The following TAFA1 variants were observed in gnomAD, a reference collection of about 807,000 sequenced individuals.
TAFA1 encodes chemokine-like protein TAFA-1.
A neutral mutation model predicts 18.5 loss-of-function variants in TAFA1; 4 were observed. That is an observed-to-expected ratio of 0.22 (90% CI 0.11 to 0.49). The LOEUF is 0.49. TAFA1 is among the 20% of genes least tolerant of loss of function. TAFA1 has a pLI of 0.98. For synonymous variants in TAFA1, 56 were observed against 55.2 expected, an observed-to-expected ratio of 1.01 and a Z score of -0.06; for missense variants, 147 against 169.0, an observed-to-expected ratio of 0.87 and a Z score of 0.72.
chr3:68,331,740 CA>C (rs1383961711), intron 2 of TAFA1, among the ~76,000 whole-genome samples: 1 of 151,336 alleles, frequency 6.6e-6, no homozygotes, highest in African/African-American at 2.4e-5. Context: ...AAAACAGATA[CA>C]CAGACCAATG....
chr3:68,076,562 G>GT (rs1371880506), intron 2 of TAFA1, among the ~76,000 whole-genome samples: 1 of 151,074 alleles, frequency 6.6e-6, no homozygotes, highest in Non-Finnish European at 1.5e-5. Flanking sequence ...GCGGTGTTTG[G>GT]TTTTTTGTTC....
intron 3 of TAFA1, among the ~76,000 whole-genome samples, chr3:68,463,980 T>A (rs571177837): frequency 1.3e-5 from 2 of 152,324 alleles, no homozygotes; most frequent in East Asian, 1.9e-4. Flanking sequence ...CTTTTTACAT[T>A]AATTTCAAAA....
chr3:68,421,772 A>G (rs2070959439), intron 3 of TAFA1, among the ~76,000 whole-genome samples: 1 of 152,108 alleles, frequency 6.6e-6, no homozygotes, highest in South Asian at 2.1e-4. Flanking sequence ...AGGCTCACTA[A>G]ATGATAATAT....
At chr3:68,384,860 G>GTA (rs1454250390) in intron 2 of TAFA1, among the ~76,000 whole-genome samples, 1 of 152,018 alleles carries the variant, frequency 6.6e-6, no homozygotes, top group Non-Finnish European at 1.5e-5. Context: ...TGCATTGAGT[G>GTA]TATATATATT....
chr3:68,225,884 A>AT (rs2066793316), intron 2 of TAFA1, among the ~76,000 whole-genome samples: 1 of 92,822 alleles, frequency 1.1e-5, no homozygotes, highest in Non-Finnish European at 2.5e-5. Flanking sequence ...TGCTGTAAGC[A>AT]TAAAAAAAAA....
chr3:68,414,305 A>T (rs1248019840), intron 2 of TAFA1, among the ~76,000 whole-genome samples: 1 of 152,124 alleles, frequency 6.6e-6, no homozygotes, highest in Non-Finnish European at 1.5e-5. Flanking sequence ...GAAACGCCAT[A>T]TCAAAACAAA....
At chr3:68,485,376 G>A (rs1054695885) in intron 3 of TAFA1, among the ~76,000 whole-genome samples, 1 of 152,130 alleles carries the variant, frequency 6.6e-6, no homozygotes, top group African/African-American at 2.4e-5. Context: ...ATAAATCTGT[G>A]TTTTTGTTGT....
intron 2 of TAFA1, among the ~76,000 whole-genome samples, chr3:68,146,654 T>C (rs1455207419): frequency 6.6e-6 from 1 of 152,206 alleles, no homozygotes; most frequent in East Asian, 1.9e-4. Context: ...AATCTACAAA[T>C]ATCTTAAGAC....
chr3:68,526,818 T>C (rs890347177), intron 3 of TAFA1, among the ~76,000 whole-genome samples: 1 of 152,144 alleles, frequency 6.6e-6, no homozygotes, highest in Non-Finnish European at 1.5e-5. Flanking sequence ...ATTATCCATA[T>C]GCTTTAAATG....
intron 2 of TAFA1, among the ~76,000 whole-genome samples, chr3:68,241,348 C>G (rs949129085): frequency 3.9e-5 from 6 of 152,104 alleles, no homozygotes; most frequent in South Asian, 2.1e-4. Context: ...TCCAGATACC[C>G]TGAGATTAGC....
intron 2 of TAFA1, among the ~76,000 whole-genome samples, chr3:68,197,868 G>T (rs1282581109): frequency 2.0e-5 from 3 of 151,612 alleles, no homozygotes; most frequent in Non-Finnish European, 4.4e-5. Context: ...TATATAGGTG[G>T]GTTGGAAGTT....
intron 2 of TAFA1, among the ~76,000 whole-genome samples, chr3:68,131,834 T>A (rs368323404): frequency 6.6e-6 from 1 of 152,004 alleles, no homozygotes; most frequent in South Asian, 2.1e-4. Flanking sequence ...GTGTCTCAGC[T>A]TTTTTACCTG....
chr3:68,199,003 A>C (rs1004861076), intron 2 of TAFA1, among the ~76,000 whole-genome samples: 2 of 151,472 alleles, frequency 1.3e-5, no homozygotes, highest in African/African-American at 4.8e-5. Context: ...ATAGCTTTGC[A>C]TTTTGCATTT....
intron 2 of TAFA1, among the ~76,000 whole-genome samples, chr3:68,345,727 G>A (rs889660020): frequency 6.6e-6 from 1 of 152,152 alleles, no homozygotes; most frequent in Non-Finnish European, 1.5e-5. Flanking sequence ...TTTGCAAAAA[G>A]TGTTGTGGAG....
chr3:68,446,558 A>C (rs183689330), intron 3 of TAFA1, among the ~76,000 whole-genome samples: 9 of 152,304 alleles, frequency 5.9e-5, no homozygotes, highest in African/African-American at 1.9e-4. Context: ...TTAAATAATA[A>C]AAATTAAAGG....
chr3:68,064,975 C>A (rs1409909620), intron 2 of TAFA1, among the ~76,000 whole-genome samples: 1 of 151,926 alleles, frequency 6.6e-6, no homozygotes, highest in East Asian at 1.9e-4. Context: ...TGGTTGCCTC[C>A]TAGAGCTATG....
At chr3:68,346,951 T>TAA (rs1310219239) in intron 2 of TAFA1, among the ~76,000 whole-genome samples, 1 of 152,176 alleles carries the variant, frequency 6.6e-6, no homozygotes, top group East Asian at 1.9e-4. Flanking sequence ...CCCAAGATCC[T>TAA]AAGATCTTTC....
chr3:68,444,373 T>C (rs66934024), intron 3 of TAFA1, among the ~76,000 whole-genome samples: 46,806 of 152,028 alleles, frequency 0.31, 8,300 homozygotes, highest in East Asian at 0.78. Flanking sequence ...AGTCTTCTTC[T>C]TTTTCTCTGT....
At chr3:68,146,974 G>T (rs938289192) in intron 2 of TAFA1, among the ~76,000 whole-genome samples, 7 of 150,532 alleles carry the variant, frequency 4.7e-5, no homozygotes, top group African/African-American at 1.7e-4. Context: ...TTAGTGGAAA[G>T]AGAGAACAAG....
Sources: gnomAD v4.1 joint callset for allele counts (sites outside exome capture counted in the v4.1 genomes callset) on GRCh38, gnomAD v4.1.1 for gene constraint, MANE v1.5 for transcripts, NCBI Gene and HGNC (gene_info 2026-07-23, HGNC 2026-07-21) for gene names.